PLCL1: variants seen among roughly 807,000 people sequenced by gnomAD.
PLCL1 encodes the protein inactive phospholipase C-like protein 1.
A neutral mutation model predicts 84.4 loss-of-function variants in PLCL1; 41 were observed. That is an observed-to-expected ratio of 0.49 (90% CI 0.38 to 0.63). PLCL1 has a LOEUF of 0.63. Ranked by LOEUF, PLCL1 falls within the 30% of genes least tolerant of loss-of-function variation. The probability of loss-of-function intolerance (pLI) is 0.00; values close to 1 mark genes in which losing one functional copy is unlikely to be tolerated. For synonymous variants in PLCL1, 490 were observed against 488.3 expected, an observed-to-expected ratio of 1.00 and a Z score of -0.05; for missense variants, 1,206 against 1,367.8, an observed-to-expected ratio of 0.88 and a Z score of 1.87.
At chr2:197,917,171 GA>G (rs1410303984) in intron 1 of PLCL1, among the ~76,000 whole-genome samples, 1 of 152,178 alleles carries the variant, frequency 6.6e-6, no homozygotes, top group East Asian at 1.9e-4. Context: ...AAATGGATTT[GA>G]AAACTTGTCT....
chr2:197,995,744 G>A (rs1405654338), intron 1 of PLCL1, among the ~76,000 whole-genome samples: 1 of 152,206 alleles, frequency 6.6e-6, no homozygotes, highest in Non-Finnish European at 1.5e-5. Context: ...GGTGGCCAGT[G>A]TACAGGAGGA....
intron 5 of PLCL1, among the ~76,000 whole-genome samples, chr2:198,129,512 T>G (rs1055284032): frequency 1.3e-5 from 2 of 152,174 alleles, no homozygotes; most frequent in African/African-American, 4.8e-5. Context: ...AAACCATGAT[T>G]GATGTCTTAT....
At chr2:197,931,607 TAGAC>T (rs1433204986) in intron 1 of PLCL1, among the ~76,000 whole-genome samples, 8 of 149,990 alleles carry the variant, frequency 5.3e-5, no homozygotes, top group East Asian at 2.0e-4. Flanking sequence ...ATTCAAGAAA[TAGAC>T]AGACCTCTTG....
chr2:197,967,323 G>A (rs992060190), intron 1 of PLCL1, among the ~76,000 whole-genome samples: 1 of 152,088 alleles, frequency 6.6e-6, no homozygotes, highest in African/African-American at 2.4e-5. Flanking sequence ...CAGCCTCCAG[G>A]ATAGCTGGGA....
intron 5 of PLCL1, among the ~76,000 whole-genome samples, chr2:198,108,881 C>T (rs1160308090): frequency 6.6e-6 from 1 of 151,836 alleles, no homozygotes; most frequent in Non-Finnish European, 1.5e-5. Flanking sequence ...ATTTGCTCTT[C>T]CTTTCTTTCT....
chr2:197,991,249 A>G (rs1690340781), intron 1 of PLCL1, among the ~76,000 whole-genome samples: 1 of 152,006 alleles, frequency 6.6e-6, no homozygotes, highest in Non-Finnish European at 1.5e-5. Flanking sequence ...CTGTCCTTGG[A>G]CTGGGATTTA....
intron 1 of PLCL1, among the ~76,000 whole-genome samples, chr2:197,901,527 G>A (rs1688268643): frequency 1.3e-5 from 2 of 152,248 alleles, no homozygotes; most frequent in South Asian, 2.1e-4. Flanking sequence ...CATAGAGATC[G>A]AATATTATGG....
In PLCL1 at chr2:197,805,319, C is replaced by T; in HGVS notation, c.220C>T (p.Arg74Trp). The change falls in exon 1 of 6, where the codon CGG becomes TGG. Residue 74 changes from arginine to tryptophan, a missense_variant. Coordinates refer to ENST00000428675, the MANE Select transcript of PLCL1 (RefSeq NM_006226.4). This position sits in a 1 kb window ranked among gnomAD's most constrained non-coding sequence, Gnocchi z 4.0. ...GLLEAARATP[R>W]RSSIIKDPSN... ...CCTGGAGGCAGCACGGGCGACCCCC[C>T]GGCGCAGCAGCATCATCAAGGTAAG... is the stretch of plus-strand genomic sequence containing the variant. 6 of 1,309,714 alleles carry T rather than the reference C, an allele frequency of 4.6e-6. No individual in the cohort carries two copies. Among genetic ancestry groups the T allele is most frequent in the South Asian group, 4.6e-5 (2 of 43,590 alleles). 81.1% of individuals were successfully genotyped at this position (1,309,714 alleles called of 1,614,324 possible). A position where few individuals can be genotyped will look rare whatever the true frequency, so the allele number is the denominator to read the frequency against.
chr2:197,907,428 G>A (rs1016187079), intron 1 of PLCL1, among the ~76,000 whole-genome samples: 1 of 151,870 alleles, frequency 6.6e-6, no homozygotes, highest in Admixed American at 6.6e-5. Context: ...TAGTGGAGAC[G>A]GGGTTTCACA....
intron 3 of PLCL1, among the ~76,000 whole-genome samples, chr2:198,098,139 A>G (rs1269592599): frequency 2.0e-5 from 3 of 152,178 alleles, no homozygotes; most frequent in Non-Finnish European, 4.4e-5. Flanking sequence ...TTTGCTTAGA[A>G]GGAAAGTAAG....
chr2:197,922,602 C>T (rs1688725962), intron 1 of PLCL1, among the ~76,000 whole-genome samples: 1 of 140,280 alleles, frequency 7.1e-6, no homozygotes, highest in African/African-American at 2.6e-5. Context: ...GGCAGAGGCG[C>T]CCCTCACCTC....
chr2:198,102,542 C>T (rs894023926), intron 4 of PLCL1, among the ~76,000 whole-genome samples: 1 of 152,042 alleles, frequency 6.6e-6, no homozygotes, highest in Non-Finnish European at 1.5e-5. Context: ...ATGTAGGCTT[C>T]TCCAAGCCCA....
intron 1 of PLCL1, among the ~76,000 whole-genome samples, chr2:197,833,566 T>C (rs1376870501): frequency 2.0e-5 from 3 of 152,038 alleles, no homozygotes; most frequent in African/African-American, 7.3e-5. Flanking sequence ...ATGAGTGAAC[T>C]CCCATTCACA....
intron 1 of PLCL1, among the ~76,000 whole-genome samples, chr2:197,950,452 C>T (rs1308267585): frequency 6.6e-6 from 1 of 152,026 alleles, no homozygotes; most frequent in East Asian, 1.9e-4. Flanking sequence ...ATGGGTGGGG[C>T]ATTTGTTTTT....
chr2:197,811,313 A>C (rs558229253), intron 1 of PLCL1, among the ~76,000 whole-genome samples: 18 of 152,372 alleles, frequency 1.2e-4, no homozygotes, highest in South Asian at 1.0e-3. Context: ...ACAAAATCAT[A>C]GTATGACGAA....
chr2:198,059,957 G>A (rs115799444), intron 1 of PLCL1, among the ~76,000 whole-genome samples: 49 of 152,274 alleles, frequency 3.2e-4, no homozygotes, highest in African/African-American at 1.2e-3. Context: ...GCAGGGCAGC[G>A]CAAGGTTATC....
intron 1 of PLCL1, among the ~76,000 whole-genome samples, chr2:198,083,456 C>T (rs964807007): frequency 1.3e-5 from 2 of 152,174 alleles, no homozygotes; most frequent in African/African-American, 4.8e-5. Flanking sequence ...GTAGTCGAGG[C>T]ACCAGCATGA....
intron 1 of PLCL1, among the ~76,000 whole-genome samples, chr2:197,829,640 G>C (rs1455335042): frequency 6.6e-6 from 1 of 152,046 alleles, no homozygotes; most frequent in African/African-American, 2.4e-5. Flanking sequence ...GTTTTTGTTT[G>C]CTTTATGATT....
At chr2:197,868,596 C>T (rs969669860) in intron 1 of PLCL1, among the ~76,000 whole-genome samples, 15 of 152,034 alleles carry the variant, frequency 9.9e-5, no homozygotes, top group Admixed American at 3.3e-4. Flanking sequence ...ATCTCCTGGG[C>T]GCAAGTGATC....
Sources: gnomAD v4.1 joint callset for allele counts (sites outside exome capture counted in the v4.1 genomes callset) on GRCh38, gnomAD v4.1.1 for gene constraint, Gnocchi (gnomAD v3.1) non-coding constraint, MANE v1.5 for transcripts, NCBI Gene and HGNC (gene_info 2026-07-23, HGNC 2026-07-21) for gene names.